DHX29: variants seen among roughly 807,000 people sequenced by gnomAD.
The protein encoded by DHX29 is DExH-box helicase 29, also known as ATP-dependent RNA helicase DHX29.
DHX29 carries 79 observed loss-of-function variants against 167.9 expected under a neutral mutation model. The observed-to-expected ratio is 0.47, with a 90% CI of 0.39 to 0.57. The LOEUF (loss-of-function observed/expected upper bound fraction) is 0.57, where lower values mean the gene tolerates loss of function less well. Among genes scored for constraint, DHX29 ranks in the 20% least tolerant of loss-of-function variants. DHX29 has a pLI of 0.00. For missense variants in DHX29, 1,347 were observed against 1,593.4 expected (o/e 0.85, Z 2.63); for synonymous variants, 530 against 546.0 (o/e 0.97, Z 0.41).
rs1748061338 is a variant in DHX29, at chr5:55,291,812, G to A, written c.781-1468C>T. On this transcript the variant is annotated intron_variant, in intron 6 of 26. Coordinates refer to ENST00000251636, the MANE Select transcript of DHX29 (RefSeq NM_019030.4). The stretch of plus-strand genomic sequence containing the variant: ...ATTGGCATATTTCACTTAGCATAAT[G>A]TCGGTCGAGGTCCATCCGTGTTGTA... Among the ~76,000 whole-genome samples, 3 of 152,210 alleles carry A rather than the reference G, an allele frequency of 2.0e-5. No individual in the cohort carries two copies. The South Asian group carries it at 6.2e-4, about 31-fold the overall frequency.
Position 55,296,306 on chromosome 5 carries a change from T to C in DHX29, c.419A>G (p.Asp140Gly). The change falls in exon 4 of 27, where the codon GAC (aspartate) becomes GGC (glycine). Residue 140 changes from aspartate to glycine, a missense_variant. Asp to Gly is a moderately conservative substitution (Grantham distance 94). Transcript: ENST00000251636. ...TGTATTGGTCATGGCATCTTCAATG[T>C]CCTTTGTCTTAAATGAAAATGCTTG... is the stretch of plus-strand genomic sequence containing the variant. ...ALQAFSFKTK[D>G]IEDAMTNTLL... 6.2e-7 allele frequency: 1 copy of C among 1,613,550 alleles called. No individual in the cohort carries two copies. The highest frequency in any genetic ancestry group is 8.5e-7 in the Non-Finnish European group (1 of 1,179,712).
chr5:55,261,384 C>T lies in DHX29; in HGVS notation c.3944G>A (p.Gly1315Asp). Residue 1315 changes from glycine to aspartate, a missense_variant, in exon 25 of 27, where the codon GGC (glycine) becomes GAC (aspartate). Physicochemically the swap from Gly to Asp is moderately conservative, Grantham distance 94. Transcript: ENST00000251636. ...ACTATGTACCTGAAAATAGATCCAG[C>T]CATCAATAGAAAGAAGACGTTCTCG... ...QHRERLLSID[G>D]WIYFQAPVKI... is the part of the protein sequence containing the mutation. 1 of 1,578,852 alleles carries T rather than the reference C, an allele frequency of 6.3e-7. No homozygotes were observed. Among genetic ancestry groups the T allele is most frequent in the Non-Finnish European group, 8.7e-7 (1 of 1,153,798 alleles).
chr5:55,282,054 A>T (rs992204951), intron 11 of DHX29, among the ~76,000 whole-genome samples: 7 of 152,070 alleles, frequency 4.6e-5, no homozygotes, highest in African/African-American at 1.7e-4. Flanking sequence ...CCAAAGTGCT[A>T]GGATTATAGG....
intron 17 of DHX29, among the ~76,000 whole-genome samples, chr5:55,272,602 A>AGG (rs914426540): frequency 3.9e-5 from 6 of 152,114 alleles, no homozygotes; most frequent in Admixed American, 6.5e-5. Context: ...GCTTTGTGGC[A>AGG]GGTGCCTGTA....
Position 55,283,679 on chromosome 5 carries a change from T to G in DHX29, c.1489A>C (p.Asn497His), listed in dbSNP as rs1262469981. Residue 497 changes from asparagine (N) to histidine (H), a missense_variant, in exon 11 of 27, where the codon AAT becomes CAT. Physicochemically the swap from Asn to His is moderately conservative, Grantham distance 68. This residue lies in a region of DHX29 where 882 missense variants were observed against 1,082.4 expected (regional missense o/e 0.81). Transcript: ENST00000251636. ...TGCTGTTGCTGCTGTTTCAGTTTATTCAGAAGTTTGGCAATAAAAAGATCA... is the reference window on the plus strand; with the variant it reads ...TGCTGTTGCTGCTGTTTCAGTTTATGCAGAAGTTTGGCAATAAAAAGATCA... The part of the protein sequence containing the change: ...PRDLFIAKLL[N>H]KLKQQQQQQQ... The G allele has an allele frequency of 6.2e-7, 1 of 1,614,072 alleles. No individual in the cohort carries two copies. Among genetic ancestry groups the G allele is most frequent in the Admixed American group, 1.7e-5 (1 of 60,006 alleles).
chr5:55,292,222 G>T (rs928885012), intron 6 of DHX29, among the ~76,000 whole-genome samples: 1 of 152,010 alleles, frequency 6.6e-6, no homozygotes, highest in Non-Finnish European at 1.5e-5. Flanking sequence ...CATCCTAACG[G>T]GTGTGAAATG....
chr5:55,294,040 C>A lies in DHX29; in HGVS notation c.757G>T (p.Glu253Ter). ...ACAGGGTCAAATTTTTCCTCCTCTTCTAAACTTTTAGAATTCTCATTCTTT... is the reference window on the plus strand; with the variant it reads ...ACAGGGTCAAATTTTTCCTCCTCTTATAAACTTTTAGAATTCTCATTCTTT... ...EEKNENSKSL[E>*]EEEKFDPNER... Residue 253 changes from glutamate (E) to a stop codon, truncating the protein, a stop_gained, in exon 6 of 27, where the codon GAA becomes TAA. Coordinates refer to ENST00000251636, the MANE Select transcript of DHX29 (RefSeq NM_019030.4). LOFTEE classifies it high-confidence loss of function. The A allele has an allele frequency of 1.2e-6, 2 of 1,607,952 alleles. No homozygotes were observed. The highest frequency in any genetic ancestry group is 8.5e-7 in the Non-Finnish European group (1 of 1,178,146).
At chr5:55,291,025 T>G (rs567609850) in intron 6 of DHX29, among the ~76,000 whole-genome samples, 3 of 152,206 alleles carry the variant, frequency 2.0e-5, no homozygotes, top group African/African-American at 7.2e-5. Flanking sequence ...AAAAAAAAAT[T>G]GTTTCATAAG....
At chr5:55,302,517 G>A (rs1748653927) in intron 1 of DHX29, among the ~76,000 whole-genome samples, 1 of 151,496 alleles carries the variant, frequency 6.6e-6, no homozygotes, top group Non-Finnish European at 1.5e-5. Flanking sequence ...CTACTTGGGA[G>A]GCTGAGATGG....
In DHX29 at chr5:55,275,302, T is replaced by A. The variant is rs144849253; in HGVS notation, c.2428-292A>T. ...TGTAGAAAAACATACTGTAATCATGTATGCATCATTCTGTGGCAACTAAAA... is the reference window on the plus strand; with the variant it reads ...TGTAGAAAAACATACTGTAATCATGAATGCATCATTCTGTGGCAACTAAAA... On this transcript the variant is annotated intron_variant, in intron 14 of 26. Coordinates refer to ENST00000251636, the MANE Select transcript of DHX29 (RefSeq NM_019030.4). Among the ~76,000 whole-genome samples, 426 of 152,326 alleles carry A rather than the reference T, an allele frequency of 2.8e-3. 4 individuals carry two copies. Among genetic ancestry groups the A allele is most frequent in the African/African-American group, 1.0e-2 (415 of 41,566 alleles).
intron 14 of DHX29, among the ~76,000 whole-genome samples, chr5:55,275,697 A>AG (rs767097188): frequency 6.6e-6 from 1 of 152,138 alleles, no homozygotes; most frequent in Non-Finnish European, 1.5e-5. Context: ...CTAACTTCCC[A>AG]GGAAGAACTA....
Position 55,307,449 on chromosome 5 carries a change from A to G in DHX29, c.125T>C (p.Val42Ala), listed in dbSNP as rs952283286. 3.7e-6 allele frequency: 6 copies of G among 1,613,184 alleles called. No homozygotes were observed. Among genetic ancestry groups the G allele is most frequent in the Non-Finnish European group, 5.1e-6 (6 of 1,179,910 alleles). Reference protein sequence around the residue: ...IAGEAQSKKPVSRPATAAAAA... With the variant: ...IAGEAQSKKPASRPATAAAAA... Reference sequence around the variant, plus strand: ...AGCGGCAGCGGTGGCCGGCCTGGACACTGGCTTCTTGCTTTGGGCCTCCCC... The same window carrying G: ...AGCGGCAGCGGTGGCCGGCCTGGACGCTGGCTTCTTGCTTTGGGCCTCCCC... The change falls in exon 1 of 27, where the codon GTG becomes GCG. Residue 42 changes from valine to alanine, a missense_variant. Around this residue, in one of 3 missense-constraint regions of DHX29, gnomAD observed 405 missense variants for 416.8 expected, o/e 0.97. Coordinates refer to ENST00000251636, the MANE Select transcript of DHX29 (RefSeq NM_019030.4).
intron 1 of DHX29, among the ~76,000 whole-genome samples, chr5:55,301,728 A>C (rs866844021): frequency 2.0e-5 from 3 of 151,418 alleles, no homozygotes; most frequent in Non-Finnish European, 2.9e-5. Context: ...AAAAAAAAAA[A>C]AAAAAAAACA....
At chr5:55,293,379 T>C (rs1364923096) in intron 6 of DHX29, among the ~76,000 whole-genome samples, 1 of 152,218 alleles carries the variant, frequency 6.6e-6, no homozygotes, top group African/African-American at 2.4e-5. Flanking sequence ...CCATTTTACA[T>C]TTCCATTAGC....
chr5:55,289,348 G>A lies in DHX29; in HGVS notation c.988C>T (p.Pro330Ser), dbSNP rs1348441632. The A allele has an allele frequency of 1.2e-6, 2 of 1,600,852 alleles. No homozygotes were observed. Among genetic ancestry groups the A allele is most frequent in the Non-Finnish European group, 1.7e-6 (2 of 1,175,450 alleles). The change falls in exon 8 of 27, where the codon CCT becomes TCT. Residue 330 changes from proline to serine, a missense_variant. Pro to Ser is a moderately conservative substitution (Grantham distance 74). Around this residue, in one of 3 missense-constraint regions of DHX29, gnomAD observed 405 missense variants for 416.8 expected, o/e 0.97. Coordinates refer to ENST00000251636, the MANE Select transcript of DHX29 (RefSeq NM_019030.4). ...GCACTTTCTCCTTCTGTGGCTACAGGAGGCTTTTTCCTTTCATTTTGTTGA... is the reference window on the plus strand; with the variant it reads ...GCACTTTCTCCTTCTGTGGCTACAGAAGGCTTTTTCCTTTCATTTTGTTGA... ...SHQQNERKKP[P>S]VATEGESALN...
chr5:55,276,506 T>C, intron 13 of DHX29, 100 bp from the exon 14 acceptor site: 1 of 954,198 alleles, frequency 1.0e-6, no homozygotes, highest in Non-Finnish European at 1.5e-6. Context: ...TGTCACCAAA[T>C]GTTAATTTAG....
At chr5:55,301,884 G>C (rs1037493029) in intron 1 of DHX29, among the ~76,000 whole-genome samples, 16 of 152,100 alleles carry the variant, frequency 1.1e-4, no homozygotes, top group African/African-American at 3.4e-4. Context: ...GGTTACATTA[G>C]GTTCTTCATT....
intron 5 of DHX29, 115 bp downstream of exon 5, chr5:55,295,264 T>A (rs941564416): frequency 3.8e-6 from 3 of 793,560 alleles, no homozygotes; most frequent in Middle Eastern, 3.6e-4. Context: ...GCAAACCAAT[T>A]AGTTATTTGT....
chr5:55,265,842 C>A (rs1388433559), intron 23 of DHX29, among the ~76,000 whole-genome samples: 1 of 152,010 alleles, frequency 6.6e-6, no homozygotes, highest in African/African-American at 2.4e-5. Context: ...AAAAGGAGTA[C>A]AAGTAGATTG....
Sources: gnomAD v4.1 joint callset for allele counts (sites outside exome capture counted in the v4.1 genomes callset) on GRCh38, gnomAD v4.1.1 for gene constraint, gnomAD v4.1.1 regional missense constraint, MANE v1.5 for transcripts, NCBI Gene and HGNC (gene_info 2026-07-23, HGNC 2026-07-21) for gene names.